TPST1: variants seen among roughly 807,000 people sequenced by gnomAD.
TPST1 encodes tyrosylprotein sulfotransferase 1.
A neutral mutation model predicts 34.8 loss-of-function variants in TPST1; 20 were observed. The ratio of observed to expected loss-of-function variants is 0.57; its 90% CI spans 0.40 to 0.84. TPST1 has a LOEUF of 0.84. Ranked by LOEUF, TPST1 falls within the 40% of genes least tolerant of loss-of-function variation. TPST1 has a pLI of 0.00. For missense variants in TPST1, 353 were observed against 455.5 expected, an observed-to-expected ratio of 0.78 and a Z score of 2.05; for synonymous variants, 152 against 159.4, an observed-to-expected ratio of 0.95 and a Z score of 0.35.
chr7:66,214,432 A>G (rs1789343757), intron 1 of TPST1, among the ~76,000 whole-genome samples: 1 of 151,454 alleles, frequency 6.6e-6, no homozygotes, highest in Admixed American at 6.6e-5. Context: ...TTTATTTATA[A>G]ATAGTGAGCT....
intron 1 of TPST1, among the ~76,000 whole-genome samples, chr7:66,238,744 A>T (rs1298531993): frequency 6.6e-6 from 1 of 152,222 alleles, no homozygotes; most frequent in Non-Finnish European, 1.5e-5. Flanking sequence ...TGATCAAACA[A>T]CTGGACACCA....
At chr7:66,208,577 T>C (rs1789180038) in intron 1 of TPST1, among the ~76,000 whole-genome samples, 1 of 152,264 alleles carries the variant, frequency 6.6e-6, no homozygotes, top group African/African-American at 2.4e-5. Context: ...TGAGTGATTC[T>C]CGTACCTCAG....
intron 1 of TPST1, among the ~76,000 whole-genome samples, chr7:66,224,647 C>G (rs1387308153): frequency 6.6e-6 from 1 of 152,122 alleles, no homozygotes; most frequent in Non-Finnish European, 1.5e-5. Flanking sequence ...CTGCTGACCT[C>G]TGTATCTCTA....
At chr7:66,211,819 A>AGCT (rs1420085361) in intron 1 of TPST1, among the ~76,000 whole-genome samples, 1 of 152,158 alleles carries the variant, frequency 6.6e-6, no homozygotes, top group Non-Finnish European at 1.5e-5. Context: ...TACAATAATT[A>AGCT]GCTGGGCATG....
chr7:66,235,753 A>G (rs1006338055), intron 1 of TPST1, among the ~76,000 whole-genome samples: 4 of 152,154 alleles, frequency 2.6e-5, no homozygotes, highest in Non-Finnish European at 5.9e-5. Flanking sequence ...GCTTGGTTTT[A>G]TACATTTTAG....
chr7:66,313,036 C>G (rs984804172), intron 3 of TPST1, among the ~76,000 whole-genome samples: 1 of 138,244 alleles, frequency 7.2e-6, no homozygotes, highest in African/African-American at 2.8e-5. Context: ...TGCTGGTTTT[C>G]TTTTGATTTT....
At chr7:66,281,227 C>A (rs1790927057) in intron 2 of TPST1, among the ~76,000 whole-genome samples, 1 of 152,036 alleles carries the variant, frequency 6.6e-6, no homozygotes, top group South Asian at 2.1e-4. Context: ...GTCTCTGTTT[C>A]CTAGTATTTT....
At chr7:66,322,855 CAA>C (rs1257034181) in intron 3 of TPST1, among the ~76,000 whole-genome samples, 5 of 25,934 alleles carry the variant, frequency 1.9e-4, no homozygotes, top group African/African-American at 4.8e-4. Flanking sequence ...CAGTAGTGCA[CAA>C]AGGTTCCAGT....
intron 2 of TPST1, among the ~76,000 whole-genome samples, chr7:66,259,423 G>A (rs565280667): frequency 8.5e-5 from 13 of 152,180 alleles, no homozygotes; most frequent in Non-Finnish European, 1.5e-4. Context: ...AACGTGTTGA[G>A]CTCTTTGGAT....
chr7:66,215,775 C>T (rs67883679), intron 1 of TPST1, among the ~76,000 whole-genome samples: 8,834 of 33,216 alleles, frequency 0.27, 645 homozygotes, highest in African/African-American at 0.37. Context: ...CTTTTTCTTT[C>T]TTTTTTTTTT....
At chr7:66,213,170 T>C (rs1342277326) in intron 1 of TPST1, among the ~76,000 whole-genome samples, 1 of 152,196 alleles carries the variant, frequency 6.6e-6, no homozygotes, top group Non-Finnish European at 1.5e-5. Flanking sequence ...CTCCTTTCAT[T>C]CTGTGACTGA....
chr7:66,258,732 G>A (rs2115692013), intron 2 of TPST1, among the ~76,000 whole-genome samples: 1 of 152,272 alleles, frequency 6.6e-6, no homozygotes, highest in East Asian at 1.9e-4. Flanking sequence ...CAGAAAAAGT[G>A]TTAAAAATAA....
chr7:66,219,550 G>T (rs1213675120), intron 1 of TPST1, among the ~76,000 whole-genome samples: 1 of 152,184 alleles, frequency 6.6e-6, no homozygotes, highest in African/African-American at 2.4e-5. Flanking sequence ...TGGCTACATG[G>T]ATTTATAGTT....
At chr7:66,307,976 A>G (rs916868458) in intron 3 of TPST1, among the ~76,000 whole-genome samples, 1 of 152,186 alleles carries the variant, frequency 6.6e-6, no homozygotes, top group Non-Finnish European at 1.5e-5. Context: ...GCTCTTTTCT[A>G]TATCTTACCA....
chr7:66,309,397 C>T (rs892217567), intron 3 of TPST1, among the ~76,000 whole-genome samples: 15 of 152,320 alleles, frequency 9.8e-5, no homozygotes, highest in African/African-American at 3.1e-4. Context: ...CCAAGTCCAA[C>T]GTTACATTCC....
intron 3 of TPST1, among the ~76,000 whole-genome samples, chr7:66,294,081 C>T (rs1791142671): frequency 6.6e-6 from 1 of 152,158 alleles, no homozygotes; most frequent in Non-Finnish European, 1.5e-5. Flanking sequence ...AATTCAGTGG[C>T]ATTAAATACA....
intron 1 of TPST1, among the ~76,000 whole-genome samples, chr7:66,207,316 A>T (rs1789150443): frequency 6.9e-6 from 1 of 145,574 alleles, no homozygotes; most frequent in South Asian, 2.1e-4. Flanking sequence ...TTGCCACTTA[A>T]CTTCACAGAA....
At chr7:66,234,415 A>ACACACACACACG (rs1451953154) in intron 1 of TPST1, among the ~76,000 whole-genome samples, 3 of 151,014 alleles carry the variant, frequency 2.0e-5, no homozygotes, top group Non-Finnish European at 3.0e-5. Flanking sequence ...ACACACACAC[A>ACACACACACACG]CACACACACA....
intron 3 of TPST1, among the ~76,000 whole-genome samples, chr7:66,318,159 AAAAT>A (rs777718625): frequency 2.0e-5 from 3 of 152,084 alleles, no homozygotes; most frequent in Non-Finnish European, 2.9e-5. Context: ...CTCTTTCTCA[AAAAT>A]AAATAAATAA....
Sources: gnomAD v4.1 joint callset for allele counts (sites outside exome capture counted in the v4.1 genomes callset) on GRCh38, gnomAD v4.1.1 for gene constraint, MANE v1.5 for transcripts, NCBI Gene and HGNC (gene_info 2026-07-23, HGNC 2026-07-21) for gene names.